The following CAMK1D variants were observed in gnomAD, a reference collection of about 807,000 sequenced individuals.
The protein encoded by CAMK1D is calcium/calmodulin-dependent protein kinase type 1D.
CAMK1D carries 9 observed loss-of-function variants against 47.7 expected under a neutral mutation model. The ratio of observed to expected loss-of-function variants is 0.19; its 90% CI spans 0.11 to 0.33. The LOEUF (loss-of-function observed/expected upper bound fraction) is 0.33, where lower values mean the gene tolerates loss of function less well. Among genes scored for constraint, CAMK1D ranks in the 10% least tolerant of loss-of-function variants. CAMK1D has a pLI of 1.00. For missense variants in CAMK1D, 291 were observed against 488.7 expected (o/e 0.60, Z 3.81); for synonymous variants, 184 against 184.9 (o/e 0.99, Z 0.04).
intron 3 of CAMK1D, among the ~76,000 whole-genome samples, chr10:12,715,551 T>C (rs1173170685): frequency 2.0e-5 from 3 of 152,206 alleles, no homozygotes; most frequent in African/African-American, 7.2e-5. Context: ...GCTCAAATTA[T>C]TTGTGGGAAA....
intron 2 of CAMK1D, among the ~76,000 whole-genome samples, chr10:12,588,037 T>G (rs1837873362): frequency 6.6e-6 from 1 of 152,110 alleles, no homozygotes; most frequent in Non-Finnish European, 1.5e-5. Flanking sequence ...CTAGCTAAGT[T>G]GTGTTGAAAT....
intron 3 of CAMK1D, among the ~76,000 whole-genome samples, chr10:12,745,054 G>C (rs1052372244): frequency 6.6e-6 from 1 of 152,224 alleles, no homozygotes; most frequent in African/African-American, 2.4e-5. Context: ...CTCCCTCATT[G>C]AACAGTCTCG....
chr10:12,620,363 T>C (rs1838962758), intron 2 of CAMK1D, among the ~76,000 whole-genome samples: 1 of 152,244 alleles, frequency 6.6e-6, no homozygotes, highest in African/African-American at 2.4e-5. Context: ...ACCGTGTAGC[T>C]GTGTCACTTT....
At position 12,491,728 on chromosome 10, in the gene CAMK1D, A is replaced by G. The variant is rs545206385; in HGVS notation, c.93-61497A>G. On this transcript the variant is annotated intron_variant, in intron 1 of 10. Coordinates refer to ENST00000619168, the MANE Select transcript of CAMK1D (RefSeq NM_153498.4). ...GCCGGCCGCCGATTGCTAATTGTTGATAAAGTCATTAAAAGCCCTGTAGCC... is the reference window on the plus strand; with the variant it reads ...GCCGGCCGCCGATTGCTAATTGTTGGTAAAGTCATTAAAAGCCCTGTAGCC... Among the ~76,000 whole-genome samples, 8 of 148,648 alleles carry G rather than the reference A, an allele frequency of 5.4e-5. No homozygotes were observed. In the South Asian group the frequency reaches 1.7e-3, roughly 31 times the overall value.
intron 2 of CAMK1D, among the ~76,000 whole-genome samples, chr10:12,655,621 GCTGGATTTTTCACA>G (rs972248053): frequency 7.2e-5 from 11 of 152,178 alleles, no homozygotes; most frequent in South Asian, 4.1e-4. Context: ...GTTGATATGT[GCTGGATTTTTCACA>G]CTGGATTTTT....
rs79483995 is a variant in CAMK1D, at chr10:12,771,672, G to A, written c.565+1873G>A. On this transcript the variant is annotated intron_variant, in intron 5 of 10. Coordinates refer to ENST00000619168, the MANE Select transcript of CAMK1D (RefSeq NM_153498.4). ...GCTGTGTGGACACCATCGCAGGGGG[G>A]CTCAATTCCCTGGATCGTGTGTATG... Among the ~76,000 whole-genome samples the A allele has an allele frequency of 5.3e-3, 803 of 152,330 alleles. 6 individuals are homozygous for A. The highest frequency in any genetic ancestry group is 0.018 in the African/African-American group (749 of 41,578).
At chr10:12,594,696 G>A (rs527542507) in intron 2 of CAMK1D, among the ~76,000 whole-genome samples, 4 of 152,308 alleles carry the variant, frequency 2.6e-5, no homozygotes, top group African/African-American at 9.6e-5. Context: ...GTTACAGGCA[G>A]TTTGTCTGCT....
intron 3 of CAMK1D, among the ~76,000 whole-genome samples, chr10:12,710,864 T>C (rs1212104190): frequency 7.9e-5 from 12 of 152,204 alleles, no homozygotes; most frequent in Non-Finnish European, 1.8e-4. Flanking sequence ...CCAGGGTATA[T>C]AAAAAGTTAT....
intron 3 of CAMK1D, among the ~76,000 whole-genome samples, chr10:12,694,476 AATAT>A (rs1331111313): frequency 8.4e-6 from 1 of 119,408 alleles, no homozygotes; most frequent in African/African-American, 3.2e-5. Context: ...TCATATATAA[AATAT>A]ATATGATATA....
At chr10:12,358,481 C>T (rs1016485455) in intron 1 of CAMK1D, among the ~76,000 whole-genome samples, 6 of 151,986 alleles carry the variant, frequency 3.9e-5, no homozygotes, top group African/African-American at 9.7e-5. Flanking sequence ...TGCAGTGGGC[C>T]GAGATTGTGC....
chr10:12,478,443 A>T (rs184967720), intron 1 of CAMK1D, among the ~76,000 whole-genome samples: 3 of 152,168 alleles, frequency 2.0e-5, no homozygotes, highest in African/African-American at 7.2e-5. Flanking sequence ...CTGGGACTAC[A>T]GACATGTACC....
At chr10:12,800,712 C>T (rs543147494) in intron 6 of CAMK1D, among the ~76,000 whole-genome samples, 4 of 152,278 alleles carry the variant, frequency 2.6e-5, no homozygotes, top group Non-Finnish European at 4.4e-5. Flanking sequence ...TTTGAGCAGG[C>T]GTTCTCAGGA....
In CAMK1D at chr10:12,415,432, G is replaced by T. The variant is rs1328349227; in HGVS notation, c.92+65522G>T. ...GCCTCCCAAGTAGCTGGCATTACAGGCACCCACCACCACGCCTGGCTAATT... is the reference window on the plus strand; with the variant it reads ...GCCTCCCAAGTAGCTGGCATTACAGTCACCCACCACCACGCCTGGCTAATT... On this transcript the variant is annotated intron_variant, in intron 1 of 10. Transcript: ENST00000619168. 2.0e-5 allele frequency among the ~76,000 whole-genome samples: 3 copies of T among 147,878 alleles called. No homozygotes were observed. In the South Asian group the frequency reaches 6.4e-4, roughly 32 times the overall value.
chr10:12,413,320 G>T (rs1333477680), intron 1 of CAMK1D, among the ~76,000 whole-genome samples: 1 of 152,172 alleles, frequency 6.6e-6, no homozygotes. Context: ...GCACCAAGCT[G>T]TGAGGGATCC....
At chr10:12,790,893 G>T (rs1214343578) in intron 5 of CAMK1D, among the ~76,000 whole-genome samples, 1 of 152,100 alleles carries the variant, frequency 6.6e-6, no homozygotes, top group Non-Finnish European at 1.5e-5. Context: ...TTACTTAGGA[G>T]GCTGAGGTGG....
At chr10:12,405,491 C>A (rs1839386835) in intron 1 of CAMK1D, among the ~76,000 whole-genome samples, 1 of 152,206 alleles carries the variant, frequency 6.6e-6, no homozygotes, top group Non-Finnish European at 1.5e-5. Context: ...CTTAGACTTT[C>A]TGTGTATTGA....
At chr10:12,635,420 T>G (rs562843651) in intron 2 of CAMK1D, among the ~76,000 whole-genome samples, 6 of 152,304 alleles carry the variant, frequency 3.9e-5, no homozygotes, top group African/African-American at 1.4e-4. Flanking sequence ...GGGAATAGGT[T>G]AGATACAAAG....
intron 2 of CAMK1D, among the ~76,000 whole-genome samples, chr10:12,571,045 G>A (rs1326810218): frequency 6.6e-6 from 1 of 152,112 alleles, no homozygotes; most frequent in Non-Finnish European, 1.5e-5. Flanking sequence ...AAATGCAGTT[G>A]TTCCCCACTG....
intron 2 of CAMK1D, among the ~76,000 whole-genome samples, chr10:12,649,109 C>A (rs192166223): frequency 3.3e-5 from 5 of 152,222 alleles, no homozygotes; most frequent in African/African-American, 1.2e-4. Context: ...TTCAAGCAGG[C>A]CTCTCACTTT....
Sources: gnomAD v4.1 joint callset for allele counts (sites outside exome capture counted in the v4.1 genomes callset) on GRCh38, gnomAD v4.1.1 for gene constraint, MANE v1.5 for transcripts, NCBI Gene and HGNC (gene_info 2026-07-23, HGNC 2026-07-21) for gene names.